The following SUCLA2 variants were observed in gnomAD, a reference collection of about 807,000 sequenced individuals.
The protein encoded by SUCLA2 is succinate--CoA ligase [ADP-forming] subunit beta, mitochondrial.
SUCLA2 carries 30 observed loss-of-function variants against 54.8 expected under a neutral mutation model. The ratio of observed to expected loss-of-function variants is 0.55; its 90% CI spans 0.41 to 0.74. The LOEUF (loss-of-function observed/expected upper bound fraction) is 0.74. Ranked by LOEUF, SUCLA2 falls within the 30% of genes least tolerant of loss-of-function variation. SUCLA2 has a pLI of 0.00. For synonymous variants in SUCLA2, 172 were observed against 188.9 expected (o/e 0.91, Z 0.74); for missense variants, 476 against 562.9 (o/e 0.85, Z 1.56).
intron 6 of SUCLA2, among the ~76,000 whole-genome samples, chr13:47,966,593 C>T (rs1949920532): frequency 6.6e-6 from 1 of 151,656 alleles, no homozygotes; most frequent in African/African-American, 2.4e-5. Context: ...GAAACTGACC[C>T]CTTTGATAAT....
At chr13:47,976,323 A>G (rs1341706711) in intron 4 of SUCLA2, among the ~76,000 whole-genome samples, 1 of 152,192 alleles carries the variant, frequency 6.6e-6, no homozygotes. Context: ...TCTGCAATGA[A>G]ATCAGTAAGA....
intron 4 of SUCLA2, among the ~76,000 whole-genome samples, chr13:47,977,422 C>T (rs1286503352): frequency 6.6e-6 from 1 of 152,004 alleles, no homozygotes; most frequent in Non-Finnish European, 1.5e-5. Flanking sequence ...AATTTCCATA[C>T]TCACTCTATG....
At chr13:47,959,500 G>A (rs544673084) in intron 6 of SUCLA2, among the ~76,000 whole-genome samples, 2,374 of 57,706 alleles carry the variant, frequency 0.041, 94 homozygotes, top group East Asian at 0.2. Flanking sequence ...GAAGGGGAGC[G>A]GGGGGAGGAG....
chr13:47,951,722 TAGTGGCACCTCAAGAAAGG>T (rs1949777836), intron 8 of SUCLA2, among the ~76,000 whole-genome samples: 1 of 152,090 alleles, frequency 6.6e-6, no homozygotes, highest in Non-Finnish European at 1.5e-5. Context: ...TTCCTTTCTT[TAGTGGCACCTCAAGAAAGG>T]AGTAACCACC....
In SUCLA2 at chr13:47,943,151, G is replaced by A. The variant is rs184125665; in HGVS notation, c.*220C>T. ...AGGAGAAGCAAAAAAGACTGGCTGC[G>A]ACAAAAGAAAGAAGATAACTGCATT... On this transcript the variant is annotated 3_prime_UTR_variant, in exon 11 of 11. Coordinates refer to ENST00000646932, the MANE Select transcript of SUCLA2 (RefSeq NM_003850.3). 52 of 508,308 alleles carry A rather than the reference G, an allele frequency of 1.0e-4. No homozygotes were observed. In the East Asian group the frequency reaches 1.4e-3, roughly 13 times the overall value. The allele number at this position is 508,308 out of a possible 1,614,324, so 31.5% of individuals were successfully genotyped here.
intron 6 of SUCLA2, among the ~76,000 whole-genome samples, chr13:47,964,648 G>C (rs1025116472): frequency 6.6e-6 from 1 of 152,266 alleles, no homozygotes; most frequent in East Asian, 1.9e-4. Context: ...ACAAGGCCAG[G>C]AGATCGAGAC....
chr13:47,942,849 A>C lies in SUCLA2; in HGVS notation c.*522T>G, dbSNP rs1949696303. 6.5e-6 allele frequency: 1 copy of C among 154,606 alleles called. No individual in the cohort carries two copies. The highest frequency in any genetic ancestry group is 1.4e-5 in the Non-Finnish European group (1 of 69,364). 9.6% of individuals were successfully genotyped at this position (154,606 alleles called of 1,614,324 possible). A position where few individuals can be genotyped will look rare whatever the true frequency, so the allele number is the denominator to read the frequency against. On this transcript the variant is annotated 3_prime_UTR_variant, in exon 11 of 11. Transcript: ENST00000646932. The stretch of plus-strand genomic sequence containing the variant: ...ATAATTACAAAGTTACTTCATCAAA[A>C]TACTTAGAAGAATATTCTGAGGAGT...
At chr13:47,988,832 T>C (rs376571548) in intron 3 of SUCLA2, 50 bp downstream of exon 3, 52 of 1,594,060 alleles carry the variant, frequency 3.3e-5, no homozygotes, top group Non-Finnish European at 4.1e-5. Context: ...ATAAGTAATC[T>C]TTAATCAGTC....
chr13:47,964,852 G>A (rs567122713), intron 6 of SUCLA2, among the ~76,000 whole-genome samples: 35 of 151,076 alleles, frequency 2.3e-4, no homozygotes, highest in East Asian at 1.2e-3. Flanking sequence ...GCAAGACCCC[G>A]TCTCAAAAAA....
chr13:47,964,943 T>C (rs1387612191), intron 6 of SUCLA2, among the ~76,000 whole-genome samples: 1 of 150,214 alleles, frequency 6.7e-6, no homozygotes, highest in South Asian at 2.1e-4. Context: ...TTCAATATTG[T>C]AAGTTAAATT....
At position 47,989,165 on chromosome 13, in the gene SUCLA2, C is replaced by G. The variant is rs111737218; in HGVS notation, c.272-184G>C. 3.1e-3 allele frequency among the ~76,000 whole-genome samples: 464 copies of G among 151,584 alleles called. 3 individuals carry two copies. The highest frequency in any genetic ancestry group is 9.9e-3 in the African/African-American group (410 of 41,338). Reference sequence around the variant, plus strand: ...ATTAGAACACTAAAATAATCACTGTCTAAAAGGCCCACAATTTTCAAAATT... The same window carrying G: ...ATTAGAACACTAAAATAATCACTGTGTAAAAGGCCCACAATTTTCAAAATT... On this transcript the variant is annotated intron_variant, in intron 2 of 10. Coordinates refer to ENST00000646932, the MANE Select transcript of SUCLA2 (RefSeq NM_003850.3).
At chr13:47,979,744 C>A (rs866220223) in intron 4 of SUCLA2, among the ~76,000 whole-genome samples, 1 of 152,130 alleles carries the variant, frequency 6.6e-6, no homozygotes, top group African/African-American at 2.4e-5. Context: ...CCACTCTTGC[C>A]GCTTCTGTTC....
At chr13:47,950,661 T>TA (rs983927180) in intron 8 of SUCLA2, among the ~76,000 whole-genome samples, 8 of 152,122 alleles carry the variant, frequency 5.3e-5, no homozygotes, top group South Asian at 2.1e-4. Context: ...CTCTCTTTTT[T>TA]AAAAAAAAGA....
intron 6 of SUCLA2, among the ~76,000 whole-genome samples, chr13:47,955,038 G>C (rs897249214): frequency 1.3e-5 from 2 of 149,990 alleles, no homozygotes; most frequent in African/African-American, 4.9e-5. Context: ...TTAATAAAAA[G>C]AAAAAAAAAT....
At chr13:47,943,750 G>GTATATA (rs1470421386) in intron 10 of SUCLA2, among the ~76,000 whole-genome samples, 2 of 121,962 alleles carry the variant, frequency 1.6e-5, no homozygotes, top group African/African-American at 7.8e-5. Context: ...ATGTATGTGT[G>GTATATA]TGTGTGTGTG....
intron 4 of SUCLA2, among the ~76,000 whole-genome samples, chr13:47,979,178 G>C (rs1465246277): frequency 6.6e-6 from 1 of 151,386 alleles, no homozygotes; most frequent in African/African-American, 2.4e-5. Context: ...TATACCCAAA[G>C]ATTATAAATC....
At chr13:47,999,852 T>C (rs555201356) in intron 1 of SUCLA2, among the ~76,000 whole-genome samples, 1 of 152,310 alleles carries the variant, frequency 6.6e-6, no homozygotes. Flanking sequence ...TAGAGCTGCA[T>C]TTCTTAATAC....
intron 2 of SUCLA2, among the ~76,000 whole-genome samples, chr13:47,996,412 A>G (rs982283545): frequency 2.0e-5 from 3 of 151,844 alleles, no homozygotes; most frequent in Non-Finnish European, 4.4e-5. Context: ...CTTTGGTTCC[A>G]TATTTTTCAT....
chr13:47,967,180 G>A (rs957910305), intron 6 of SUCLA2, among the ~76,000 whole-genome samples: 8 of 152,038 alleles, frequency 5.3e-5, no homozygotes, highest in Non-Finnish European at 1.0e-4. Flanking sequence ...TTAAAAAAGT[G>A]TTTTTCTAAA....
Sources: allele counts gnomAD v4.1 joint callset (sites outside exome capture counted in the v4.1 genomes callset), GRCh38; gene constraint gnomAD v4.1.1; transcripts MANE v1.5; gene names NCBI Gene and HGNC (gene_info 2026-07-23, HGNC 2026-07-21).